Variants in KIF3C observed in about 807,000 individuals in gnomAD.
The protein encoded by KIF3C is kinesin family member 3C, also known as kinesin-like protein KIF3C.
Under a neutral mutation model 67.7 loss-of-function variants are expected in KIF3C, and 12 were observed. The ratio of observed to expected loss-of-function variants is 0.18; its 90% CI spans 0.11 to 0.29. The LOEUF (loss-of-function observed/expected upper bound fraction) is 0.29. Among genes scored for constraint, KIF3C ranks in the 10% least tolerant of loss-of-function variants. KIF3C has a pLI of 1.00. For missense variants in KIF3C, 789 were observed against 1,059.6 expected (o/e 0.74, Z 3.55); for synonymous variants, 393 against 426.2 (o/e 0.92, Z 0.96).
intron 1 of KIF3C, among the ~76,000 whole-genome samples, chr2:25,967,053 C>T (rs1664161179): frequency 6.6e-6 from 1 of 152,214 alleles, no homozygotes; most frequent in Admixed American, 6.5e-5. Flanking sequence ...CTTCCAGGTT[C>T]AGACAGGAAA....
intron 1 of KIF3C, among the ~76,000 whole-genome samples, chr2:25,964,263 T>C (rs956114053): frequency 6.6e-6 from 1 of 152,104 alleles, no homozygotes; most frequent in Non-Finnish European, 1.5e-5. Context: ...CACTGTACTC[T>C]AGCCTGGGCC....
chr2:25,939,069 C>T (rs867298994), intron 5 of KIF3C, among the ~76,000 whole-genome samples: 13 of 152,196 alleles, frequency 8.5e-5, no homozygotes, highest in Admixed American at 1.3e-4. Flanking sequence ...TCTTGGCACA[C>T]TGCAACCTCT....
chr2:25,965,200 CA>C (rs1664108672), intron 1 of KIF3C, among the ~76,000 whole-genome samples: 1 of 152,136 alleles, frequency 6.6e-6, no homozygotes, highest in African/African-American at 2.4e-5. Flanking sequence ...CACTCTCAGC[CA>C]AGCCTGGCTG....
rs1279989188 is a variant in KIF3C, at chr2:25,953,675, T to G, written c.1889+592A>C. Among the ~76,000 whole-genome samples the G allele has an allele frequency of 1.9e-3, 178 of 92,808 alleles. 1 individual carries two copies. Among genetic ancestry groups the G allele is most frequent in the African/African-American group, 8.4e-3 (165 of 19,674 alleles). The allele number at this position is 92,808 out of a possible 152,430, so 60.9% of individuals were successfully genotyped here. ...GCGCCCGGCCTTTTTTGTTTTTGTTTTTTTTTTTTTTTTGAGACGTTGTCT... is the reference window on the plus strand; with the variant it reads ...GCGCCCGGCCTTTTTTGTTTTTGTTGTTTTTTTTTTTTTGAGACGTTGTCT... On this transcript the variant is annotated intron_variant, in intron 4 of 7. Transcript: ENST00000264712.
chr2:25,957,266 T>G (rs1417283943), intron 1 of KIF3C, among the ~76,000 whole-genome samples: 1 of 152,076 alleles, frequency 6.6e-6, no homozygotes, highest in Non-Finnish European at 1.5e-5. Flanking sequence ...AGCTATTGAG[T>G]AGCAAAGAGG....
chr2:25,982,483 A>G lies in KIF3C; in HGVS notation c.-566T>C. On this transcript the variant is annotated 5_prime_UTR_variant, in exon 1 of 8. Transcript: ENST00000264712. ...CCTTCCCCGCCGCCGCCACTGGAGA[A>G]TGAGAGAGAAAAACAGAAGGGGATG... 1 of 397,420 alleles carries G rather than the reference A, an allele frequency of 2.5e-6. No individual in the cohort carries two copies. The highest frequency in any genetic ancestry group is 4.4e-6 in the Non-Finnish European group (1 of 225,406). The allele number at this position is 397,420 out of a possible 1,614,324, so 24.6% of individuals were successfully genotyped here.
rs778711331 is a variant in KIF3C at position 25,981,257 on chromosome 2, T to C, written c.661A>G (p.Ile221Val). The change falls in exon 1 of 8, where the codon ATC (isoleucine) becomes GTC (valine). Residue 221 changes from isoleucine to valine, a missense_variant. This residue lies in a region of KIF3C where 648 missense variants were observed against 807.8 expected (regional missense o/e 0.80). Transcript: ENST00000264712. The surrounding 1 kb of genome is among the most constrained non-coding windows in gnomAD (Gnocchi z 8.2). ...EVSSRSHAIF[I>V]ITVECSERGS... Reference sequence around the variant, plus strand: ...CGTTCGCTGCACTCCACAGTGATGATGAAGATGGCATGGGAGCGGGAGCTG... The same window carrying C: ...CGTTCGCTGCACTCCACAGTGATGACGAAGATGGCATGGGAGCGGGAGCTG... The C allele has an allele frequency of 1.9e-6, 3 of 1,614,220 alleles. No homozygotes were observed. The highest frequency in any genetic ancestry group is 2.5e-6 in the Non-Finnish European group (3 of 1,180,038).
chr2:25,957,631 G>A (rs1365670250), intron 1 of KIF3C, among the ~76,000 whole-genome samples: 2 of 152,132 alleles, frequency 1.3e-5, no homozygotes, highest in Non-Finnish European at 2.9e-5. Flanking sequence ...CTACCTGAGG[G>A]ATCTCAAAGC....
In KIF3C at chr2:25,955,333, C is replaced by CCCA. The variant is rs1323890408; in HGVS notation, c.1770+205_1770+207dup. Among the ~76,000 whole-genome samples, 1 of 152,078 alleles carries CCCA rather than the reference C, an allele frequency of 6.6e-6. No homozygotes were observed. The highest frequency in any genetic ancestry group is 1.5e-5 in the Non-Finnish European group (1 of 68,020). On this transcript the variant is annotated intron_variant, in intron 3 of 7. Transcript: ENST00000264712. This position sits in a 1 kb window ranked among gnomAD's most constrained non-coding sequence, Gnocchi z 5.0. ...TGACAGAGTTTGCAGCCTGTCATAG[C>CCCA]CCACCCTGGCCCAGGAGAAAAGGCT...
At position 25,980,907 on chromosome 2, in the gene KIF3C, G is replaced by T. The variant is rs1040947536; in HGVS notation, c.1011C>A (p.Ile337=). 6.2e-7 allele frequency: 1 copy of T among 1,614,230 alleles called. No individual in the cohort carries two copies. Among genetic ancestry groups the T allele is most frequent in the Admixed American group, 1.7e-5 (1 of 60,024 alleles). ...AAGCTGGCCCCAGTGTGGCTACCAT[G>T]ATGGTCTTGGCATTCCCCCCCAGGG... The part of the protein sequence containing the change: ...QDSLGGNAKT[I]MVATLGPASH... Residue 337 remains isoleucine, a synonymous_variant, in exon 1 of 8, where the codon ATC becomes ATA. Transcript: ENST00000264712. This position sits in a 1 kb window ranked among gnomAD's most constrained non-coding sequence, Gnocchi z 7.6.
At chr2:25,937,872 T>A (rs1663174488) in intron 5 of KIF3C, among the ~76,000 whole-genome samples, 1 of 151,726 alleles carries the variant, frequency 6.6e-6, no homozygotes, top group South Asian at 2.1e-4. Context: ...CTGGCCAACA[T>A]GGTGAAACCC....
chr2:25,962,820 T>C lies in KIF3C; in HGVS notation c.1546-6376A>G, dbSNP rs1209207701. ...ATTATATAATATATAATATATATAA[T>C]ATATAAAATATATAAAATATATAAT... is the stretch of plus-strand genomic sequence containing the variant. On this transcript the variant is annotated intron_variant, in intron 1 of 7. Transcript: ENST00000264712. Among the ~76,000 whole-genome samples, 4 of 72,916 alleles carry C rather than the reference T, an allele frequency of 5.5e-5. No individual in the cohort carries two copies. The East Asian group carries it at 1.1e-3, about 19-fold the overall frequency. 47.8% of individuals were successfully genotyped at this position (72,916 alleles called of 152,430 possible).
At chr2:25,929,614 CTCTT>C in intron 6 of KIF3C, 137 bp from the exon 7 acceptor site, 1 of 663,036 alleles carries the variant, frequency 1.5e-6, no homozygotes, top group East Asian at 2.8e-5. Flanking sequence ...CTCCCATAGG[CTCTT>C]TTTTTTTTTT....
At chr2:25,976,629 T>A (rs1664424483) in intron 1 of KIF3C, among the ~76,000 whole-genome samples, 1 of 151,944 alleles carries the variant, frequency 6.6e-6, no homozygotes, top group African/African-American at 2.4e-5. Context: ...GGCATGGTGG[T>A]GGGCACCTGT....
At chr2:25,966,621 A>C (rs924723781) in intron 1 of KIF3C, among the ~76,000 whole-genome samples, 2 of 152,196 alleles carry the variant, frequency 1.3e-5, no homozygotes, top group Non-Finnish European at 2.9e-5. Context: ...GCGGGGAGAA[A>C]GGAGGCCCCA....
In KIF3C at chr2:25,980,178, T is replaced by C. The variant is rs1383779742; in HGVS notation, c.1545+195A>G. Among the ~76,000 whole-genome samples the C allele has an allele frequency of 2.0e-5, 3 of 152,184 alleles. No individual in the cohort carries two copies. The highest frequency in any genetic ancestry group is 4.4e-5 in the Non-Finnish European group (3 of 68,030). On this transcript the variant is annotated intron_variant, in intron 1 of 7. Coordinates refer to ENST00000264712, the MANE Select transcript of KIF3C (RefSeq NM_002254.8). This position sits in a 1 kb window ranked among gnomAD's most constrained non-coding sequence, Gnocchi z 7.6. Reference sequence around the variant, plus strand: ...CCACGTTGCTTCGTGTGTGTGTGCCTGTGCATGTACCTGGCAGCCCGGTAT... The same window carrying C: ...CCACGTTGCTTCGTGTGTGTGTGCCCGTGCATGTACCTGGCAGCCCGGTAT...
Position 25,929,431 on chromosome 2 carries a change from A to G in KIF3C, c.2162T>C (p.Val721Ala). Residue 721 changes from valine to alanine, a missense_variant, in exon 7 of 8, where the codon GTC (valine) becomes GCC (alanine). Val to Ala is a moderately conservative substitution (Grantham distance 64). Coordinates refer to ENST00000264712, the MANE Select transcript of KIF3C (RefSeq NM_002254.8). ...GTCGTGAGAGAATTCCATCTCAAAG[A>G]CAGCTGGAGGGGACACATCCAACTC... Reference protein sequence around the residue: ...FLELDVSPPAVFEMEFSHDQE... With the variant: ...FLELDVSPPAAFEMEFSHDQE... The G allele has an allele frequency of 6.2e-7, 1 of 1,614,024 alleles. No individual in the cohort carries two copies. Among genetic ancestry groups the G allele is most frequent in the Non-Finnish European group, 8.5e-7 (1 of 1,179,942 alleles).
At chr2:25,966,976 A>G in intron 1 of KIF3C, among the ~76,000 whole-genome samples, 1 of 152,202 alleles carries the variant, frequency 6.6e-6, no homozygotes, top group South Asian at 2.1e-4. Flanking sequence ...AGTAAATGGC[A>G]GAGTGATATT....
intron 1 of KIF3C, among the ~76,000 whole-genome samples, chr2:25,962,961 ATATATAATATATAATATATAATATATAAT>A: frequency 3.4e-5 from 1 of 29,174 alleles, no homozygotes; most frequent in African/African-American, 3.2e-4. Flanking sequence ...AATATATAAT[ATATATAATATATAATATATAATATATAAT>A]ATATATAATA....
Sources: gnomAD v4.1 joint callset for allele counts (sites outside exome capture counted in the v4.1 genomes callset) on GRCh38, gnomAD v4.1.1 for gene constraint, gnomAD v4.1.1 regional missense constraint, Gnocchi (gnomAD v3.1) non-coding constraint, MANE v1.5 for transcripts, NCBI Gene and HGNC (gene_info 2026-07-23, HGNC 2026-07-21) for gene names.